The following MDGA2 variants were observed in gnomAD, a reference collection of about 807,000 sequenced individuals.
The protein encoded by MDGA2 is MAM domain-containing glycosylphosphatidylinositol anchor protein 2.
A neutral mutation model predicts 117.8 loss-of-function variants in MDGA2; 40 were observed. That is an observed-to-expected ratio of 0.34 (90% CI 0.26 to 0.44). The LOEUF is 0.44. Among genes scored for constraint, MDGA2 ranks in the 20% least tolerant of loss-of-function variants. MDGA2 has a pLI of 1.00. For synonymous variants in MDGA2, 452 were observed against 439.0 expected (o/e 1.03, Z -0.37); for missense variants, 1,123 against 1,250.6 (o/e 0.90, Z 1.54).
intron 1 of MDGA2, among the ~76,000 whole-genome samples, chr14:47,387,964 T>C (rs1048932561): frequency 1.3e-5 from 2 of 152,220 alleles, no homozygotes; most frequent in African/African-American, 4.8e-5. Flanking sequence ...TAAATCTCAC[T>C]TTTGAATATT....
intron 6 of MDGA2, among the ~76,000 whole-genome samples, chr14:47,089,839 C>T (rs1048925782): frequency 3.7e-5 from 5 of 135,752 alleles, no homozygotes; most frequent in African/African-American, 1.5e-4. Context: ...CTGTGCCCGG[C>T]CTTCTGTTTT....
chr14:47,319,782 G>T (rs928804271), intron 1 of MDGA2, among the ~76,000 whole-genome samples: 14 of 152,236 alleles, frequency 9.2e-5, no homozygotes, highest in African/African-American at 3.4e-4. Flanking sequence ...ACCAAAAAAG[G>T]ACATGTCATT....
In MDGA2 at chr14:47,292,947, CTATTGATATCTA is replaced by C. The variant is rs1378709570; in HGVS notation, c.420+8452_420+8463del. On this transcript the variant is annotated intron_variant, in intron 2 of 16. Coordinates refer to ENST00000399232, the MANE Select transcript of MDGA2 (RefSeq NM_001113498.3). ...TATTCTGACCTTGTTGCTCTTCACA[CTATTGATATCTA>C]TATTGAGTCTGTTGGTGAAGTGTTA... Among the ~76,000 whole-genome samples, 3 of 152,200 alleles carry C rather than the reference CTATTGATATCTA, an allele frequency of 2.0e-5. 1 individual carries two copies. The highest frequency in any genetic ancestry group is 4.4e-5 in the Non-Finnish European group (3 of 68,040).
Position 47,351,785 on chromosome 14 carries a change from G to GA in MDGA2, c.281-50236dup, listed in dbSNP as rs555898553. On this transcript the variant is annotated intron_variant, in intron 1 of 16. Transcript: ENST00000399232. ...TTCACAGATGATTTCAGTGAAACCA[G>GA]AAAAAGTACCTCAAATACTTGAAGT... 7.6e-4 allele frequency among the ~76,000 whole-genome samples: 116 copies of GA among 152,068 alleles called. 1 individual carries two copies. Among genetic ancestry groups the GA allele is most frequent in the African/African-American group, 2.6e-3 (108 of 41,488 alleles).
chr14:47,530,551 C>G (rs914560907), intron 1 of MDGA2, among the ~76,000 whole-genome samples: 5 of 152,178 alleles, frequency 3.3e-5, no homozygotes, highest in African/African-American at 1.2e-4. Flanking sequence ...ACCTCATAAT[C>G]AAACGATCCT....
At chr14:47,002,988 C>A (rs1887584689) in intron 8 of MDGA2, among the ~76,000 whole-genome samples, 2 of 152,056 alleles carry the variant, frequency 1.3e-5, no homozygotes, top group Non-Finnish European at 2.9e-5. Context: ...CTTGGTAATC[C>A]ATTCCTTTCA....
At position 47,175,329 on chromosome 14, in the gene MDGA2, G is replaced by A. The variant is rs973338988; in HGVS notation, c.596-31055C>T. Among the ~76,000 whole-genome samples the A allele has an allele frequency of 5.8e-4, 88 of 151,448 alleles. 1 individual carries two copies. Among genetic ancestry groups the A allele is most frequent in the Middle Eastern group, 6.8e-3 (2 of 294 alleles). Reference sequence around the variant, plus strand: ...CCAGCATCATCCTGATACCAAAGCCGGGCAGAGACACAACCAAAAAAGAGA... The same window carrying A: ...CCAGCATCATCCTGATACCAAAGCCAGGCAGAGACACAACCAAAAAAGAGA... On this transcript the variant is annotated intron_variant, in intron 3 of 16. Transcript: ENST00000399232.
chr14:46,960,951 C>T (rs36040974), intron 8 of MDGA2, among the ~76,000 whole-genome samples: 6,529 of 86,962 alleles, frequency 0.075, 180 homozygotes, highest in Non-Finnish European at 0.1. Context: ...TATATATATA[C>T]ACACACACAC....
chr14:47,161,206 A>T (rs1883619390), intron 3 of MDGA2, among the ~76,000 whole-genome samples: 2 of 152,026 alleles, frequency 1.3e-5, no homozygotes, highest in South Asian at 4.1e-4. Context: ...TTTGTGATTC[A>T]TTAGGATGAG....
chr14:47,189,900 A>G (rs1885047968), intron 3 of MDGA2, among the ~76,000 whole-genome samples: 1 of 152,168 alleles, frequency 6.6e-6, no homozygotes, highest in South Asian at 2.1e-4. Flanking sequence ...ACCTTCATGT[A>G]GCAATAAAAA....
intron 4 of MDGA2, among the ~76,000 whole-genome samples, chr14:47,143,741 C>T (rs1594665519): frequency 6.6e-6 from 1 of 151,988 alleles, no homozygotes; most frequent in East Asian, 1.9e-4. Context: ...AAAATCTCTC[C>T]TTTTGAGAAA....
intron 1 of MDGA2, among the ~76,000 whole-genome samples, chr14:47,413,780 A>G (rs1892421379): frequency 6.6e-6 from 1 of 151,978 alleles, no homozygotes; most frequent in Admixed American, 6.6e-5. Context: ...TTCTATATAC[A>G]ATGAAACATA....
At chr14:47,666,896 C>T (rs961167503) in intron 1 of MDGA2, among the ~76,000 whole-genome samples, 4 of 151,932 alleles carry the variant, frequency 2.6e-5, no homozygotes, top group African/African-American at 4.8e-5. Flanking sequence ...CCAGACATAC[C>T]GCCTTAAGAG....
At chr14:47,417,196 C>A (rs182562831) in intron 1 of MDGA2, among the ~76,000 whole-genome samples, 2 of 152,268 alleles carry the variant, frequency 1.3e-5, no homozygotes, top group Admixed American at 6.5e-5. Context: ...ATTAAAAATT[C>A]TGTCTTTAAA....
intron 1 of MDGA2, among the ~76,000 whole-genome samples, chr14:47,314,255 C>T (rs977410092): frequency 6.6e-6 from 1 of 152,210 alleles, no homozygotes; most frequent in Non-Finnish European, 1.5e-5. Context: ...GGAACCATGT[C>T]CCACCCATAG....
chr14:46,894,175 A>T (rs938317300), intron 10 of MDGA2, among the ~76,000 whole-genome samples: 5 of 152,094 alleles, frequency 3.3e-5, no homozygotes, highest in African/African-American at 1.2e-4. Context: ...TATCGAGGTT[A>T]GTATTATTAT....
At chr14:47,510,930 C>T (rs2138693084) in intron 1 of MDGA2, among the ~76,000 whole-genome samples, 1 of 152,184 alleles carries the variant, frequency 6.6e-6, no homozygotes, top group Admixed American at 6.5e-5. Flanking sequence ...TTCTTTGGTA[C>T]AGGCCTCATT....
At chr14:47,470,919 A>C (rs1329763912) in intron 1 of MDGA2, among the ~76,000 whole-genome samples, 1 of 152,208 alleles carries the variant, frequency 6.6e-6, no homozygotes. Context: ...ATAGGAAATT[A>C]TCAGGGAGTG....
intron 5 of MDGA2, among the ~76,000 whole-genome samples, chr14:47,104,296 T>C (rs901704185): frequency 5.9e-5 from 9 of 151,358 alleles, no homozygotes; most frequent in Non-Finnish European, 8.8e-5. Context: ...AACAAGTGAA[T>C]ATGCCTTGCC....
Sources: allele counts gnomAD v4.1 joint callset (sites outside exome capture counted in the v4.1 genomes callset), GRCh38; gene constraint gnomAD v4.1.1; transcripts MANE v1.5; gene names NCBI Gene and HGNC (gene_info 2026-07-23, HGNC 2026-07-21).